Variants in FAM184A observed in about 807,000 individuals in gnomAD.
FAM184A encodes the protein protein FAM184A.
A neutral mutation model predicts 143.8 loss-of-function variants in FAM184A; 99 were observed. The ratio of observed to expected loss-of-function variants is 0.69; its 90% CI spans 0.58 to 0.81. FAM184A has a LOEUF of 0.81. Ranked by LOEUF, FAM184A falls within the 40% of genes least tolerant of loss-of-function variation. The probability of loss-of-function intolerance (pLI) is 0.00; values close to 1 mark genes in which losing one functional copy is unlikely to be tolerated. For missense variants in FAM184A, 1,217 were observed against 1,310.5 expected (o/e 0.93, Z 1.10); for synonymous variants, 427 against 446.4 (o/e 0.96, Z 0.55).
chr6:119,051,736 G>T (rs2114748163), intron 1 of FAM184A, among the ~76,000 whole-genome samples: 1 of 152,272 alleles, frequency 6.6e-6, no homozygotes, highest in South Asian at 2.1e-4. Context: ...GAGAGGTAAA[G>T]TAAGAGGTAA....
chr6:119,105,098 T>TC (rs1413891870), intron 1 of FAM184A, among the ~76,000 whole-genome samples: 1 of 152,114 alleles, frequency 6.6e-6, no homozygotes, highest in African/African-American at 2.4e-5. Flanking sequence ...CTATATGGGA[T>TC]CCTGGAACAG....
chr6:119,001,032 C>A (rs62421100), intron 9 of FAM184A, among the ~76,000 whole-genome samples: 3 of 150,104 alleles, frequency 2.0e-5, no homozygotes, highest in African/African-American at 4.9e-5. Flanking sequence ...CCAAAGGAGT[C>A]GAGACAACAA....
chr6:119,075,818 T>G (rs1358840028), intron 1 of FAM184A, among the ~76,000 whole-genome samples: 1 of 152,218 alleles, frequency 6.6e-6, no homozygotes, highest in African/African-American at 2.4e-5. Flanking sequence ...ATGCTTATGG[T>G]ATAGTATTTA....
intron 16 of FAM184A, chr6:118,963,969 C>T (rs1222279771): frequency 6.6e-6 from 1 of 151,992 alleles, no homozygotes; most frequent in Non-Finnish European, 1.5e-5. Flanking sequence ...TATTTCAAGG[C>T]TCTTCTTTTT....
chr6:119,063,171 T>C (rs1445649072), intron 1 of FAM184A, among the ~76,000 whole-genome samples: 1 of 152,200 alleles, frequency 6.6e-6, no homozygotes, highest in African/African-American at 2.4e-5. Flanking sequence ...GATGATAAAA[T>C]ATGCAAAAAT....
intron 9 of FAM184A, among the ~76,000 whole-genome samples, chr6:118,999,988 T>C (rs915891086): frequency 2.0e-5 from 3 of 152,190 alleles, no homozygotes; most frequent in Admixed American, 1.3e-4. Flanking sequence ...AGTATAAACA[T>C]TGTGTCAGAT....
intron 1 of FAM184A, among the ~76,000 whole-genome samples, chr6:119,061,215 T>G (rs1055663361): frequency 6.6e-6 from 1 of 152,162 alleles, no homozygotes; most frequent in Non-Finnish European, 1.5e-5. Flanking sequence ...AGTTTACAAG[T>G]TGCGGTATCG....
chr6:118,979,813 T>C (rs1300131914), intron 10 of FAM184A, among the ~76,000 whole-genome samples: 1 of 151,026 alleles, frequency 6.6e-6, no homozygotes, highest in Non-Finnish European at 1.5e-5. Flanking sequence ...GAGGACAAGG[T>C]GGAAGGATTG....
Position 119,024,363 on chromosome 6 carries a change from A to C in FAM184A, c.610T>G (p.Ser204Ala). ...HRREIQELLK[S>A]QQDHSASVNK... ...ACTGAGGCACTGTGATCCTGCTGTG[A>C]CTTCAATAGCTCTTGTATCTCCCGT... The change falls in exon 2 of 18, where the codon TCA becomes GCA. Residue 204 changes from serine (S) to alanine (A), a missense_variant. By Grantham distance (99) the Ser-to-Ala change is moderately conservative. Coordinates refer to ENST00000338891, the MANE Select transcript of FAM184A (RefSeq NM_024581.6). The C allele has an allele frequency of 6.2e-7, 1 of 1,614,092 alleles. No homozygotes were observed. The highest frequency in any genetic ancestry group is 8.5e-7 in the Non-Finnish European group (1 of 1,180,010).
At chr6:119,144,461 G>A (rs1160475290) in intron 1 of FAM184A, among the ~76,000 whole-genome samples, 3 of 152,208 alleles carry the variant, frequency 2.0e-5, no homozygotes, top group Non-Finnish European at 4.4e-5. Flanking sequence ...GCTCTGACAG[G>A]TGCTGGCTTT....
intron 5 of FAM184A, among the ~76,000 whole-genome samples, chr6:119,015,765 A>G (rs1259900854): frequency 6.6e-6 from 1 of 152,226 alleles, no homozygotes; most frequent in African/African-American, 2.4e-5. Flanking sequence ...TGCGGGATCC[A>G]CTAGGTGAAG....
At chr6:119,006,349 A>G in intron 7 of FAM184A, 98 bp downstream of exon 7, 1 of 1,137,334 alleles carries the variant, frequency 8.8e-7, no homozygotes, top group Non-Finnish European at 1.3e-6. Flanking sequence ...TAATATACTA[A>G]TTATATACAA....
Position 118,975,227 on chromosome 6 carries a change from C to A in FAM184A, c.2584-19G>T, listed in dbSNP as rs1342805756. ...CCTTACTCTGTTAAAAAAAAAAAGT[C>A]ATTTTTAGAAGTTTTCTACATATTT... On this transcript the variant is annotated intron_variant, in intron 12 of 17. Coordinates refer to ENST00000338891, the MANE Select transcript of FAM184A (RefSeq NM_024581.6). 1.4e-5 allele frequency: 20 copies of A among 1,425,506 alleles called. No individual in the cohort carries two copies. The Admixed American group carries it at 4.0e-4, about 29-fold the overall frequency. The allele number at this position is 1,425,506 out of a possible 1,614,324, so 88.3% of individuals were successfully genotyped here. A position where few individuals can be genotyped will look rare whatever the true frequency, so the allele number is the denominator to read the frequency against.
In FAM184A at chr6:118,960,552, G is replaced by A. The variant is rs138490111; in HGVS notation, c.3342-368C>T. Among the ~76,000 whole-genome samples, 45 of 152,248 alleles carry A rather than the reference G, an allele frequency of 3.0e-4. No individual in the cohort carries two copies. In the East Asian group the frequency reaches 8.1e-3, roughly 27 times the overall value. On this transcript the variant is annotated intron_variant, in intron 17 of 17. Coordinates refer to ENST00000338891, the MANE Select transcript of FAM184A (RefSeq NM_024581.6). ...CTTTTCTCTTTTAGCTGATCGTACAGATGTGTCCTTAAATATAACTAAAGT... is the reference window on the plus strand; with the variant it reads ...CTTTTCTCTTTTAGCTGATCGTACAAATGTGTCCTTAAATATAACTAAAGT...
chr6:119,024,065 C>G lies in FAM184A; in HGVS notation c.908G>C (p.Gly303Ala), dbSNP rs374808220. The G allele has an allele frequency of 6.2e-7, 1 of 1,613,972 alleles. No individual in the cohort carries two copies. The highest frequency in any genetic ancestry group is 1.3e-5 in the African/African-American group (1 of 74,884). The part of the protein sequence containing the change: ...GQEAILRKTI[G>A]KLKTELQMVQ... ...CATCTGTAACTCTGTCTTTAATTTTCCTATAGTTTTTCGTAAAATTGCTTC... is the reference window on the plus strand; with the variant it reads ...CATCTGTAACTCTGTCTTTAATTTTGCTATAGTTTTTCGTAAAATTGCTTC... Residue 303 changes from glycine to alanine, a missense_variant, in exon 2 of 18, where the codon GGA (glycine) becomes GCA (alanine). By Grantham distance (60) the Gly-to-Ala change is moderately conservative. Transcript: ENST00000338891.
chr6:118,967,065 T>A (rs1783524089), intron 14 of FAM184A, 113 bp from the exon 15 acceptor site: 1 of 559,756 alleles, frequency 1.8e-6, no homozygotes, highest in South Asian at 2.5e-5. Context: ...GAAACAAAAC[T>A]TCTTTTTTCC....
intron 5 of FAM184A, among the ~76,000 whole-genome samples, chr6:119,015,079 A>C (rs936413649): frequency 2.6e-5 from 4 of 152,000 alleles, no homozygotes; most frequent in Non-Finnish European, 5.9e-5. Flanking sequence ...AAAAAAAGAA[A>C]AAGAAAAGAA....
chr6:118,962,023 G>A (rs1783344425), intron 16 of FAM184A, 60 bp from the exon 17 acceptor site: 2 of 1,528,504 alleles, frequency 1.3e-6, no homozygotes, highest in Admixed American at 3.4e-5. Flanking sequence ...GAGAAAATAG[G>A]AATGGTAGAA....
chr6:119,061,209 T>G (rs1203647805), intron 1 of FAM184A, among the ~76,000 whole-genome samples: 2 of 152,190 alleles, frequency 1.3e-5, no homozygotes, highest in Non-Finnish European at 2.9e-5. Flanking sequence ...AGGAATAGTT[T>G]ACAAGTTGCG....
Sources: gnomAD v4.1 joint callset for allele counts (sites outside exome capture counted in the v4.1 genomes callset) on GRCh38, gnomAD v4.1.1 for gene constraint, MANE v1.5 for transcripts, NCBI Gene and HGNC (gene_info 2026-07-23, HGNC 2026-07-21) for gene names.